Variants in DISC1 observed in about 807,000 individuals in gnomAD.
The protein encoded by DISC1 is disrupted in schizophrenia 1 protein.
A neutral mutation model predicts 84.5 loss-of-function variants in DISC1; 57 were observed. The observed-to-expected ratio is 0.67, with a 90% CI of 0.55 to 0.84. DISC1 has a LOEUF of 0.84. Among genes scored for constraint, DISC1 ranks in the 40% least tolerant of loss-of-function variants. DISC1 has a pLI of 0.00. For synonymous variants in DISC1, 411 were observed against 415.2 expected (o/e 0.99, Z 0.12); for missense variants, 1,000 against 1,057.8 (o/e 0.95, Z 0.76).
intron 9 of DISC1, among the ~76,000 whole-genome samples, chr1:231,861,981 C>G (rs2084695897): frequency 6.6e-6 from 1 of 152,208 alleles, no homozygotes; most frequent in African/African-American, 2.4e-5. Flanking sequence ...CTGGCCATTT[C>G]CATAGTGTAA....
rs141868854 is a variant in DISC1, at chr1:231,867,535, A to T, written c.1981+49018A>T. The stretch of plus-strand genomic sequence containing the variant: ...CCATGGGAGCATCCCCATCAGATAC[A>T]TAGATGCTCTTAATTAATTAGGCTG... On this transcript the variant is annotated intron_variant, in intron 9 of 12. Coordinates refer to ENST00000439617, the MANE Select transcript of DISC1 (RefSeq NM_018662.3). Among the ~76,000 whole-genome samples the T allele has an allele frequency of 4.0e-4, 61 of 152,298 alleles. 2 individuals are homozygous for T. Among genetic ancestry groups the T allele is most frequent in the African/African-American group, 1.4e-3 (58 of 41,568 alleles).
At position 231,863,220 on chromosome 1, in the gene DISC1, C is replaced by CTTTTTTTT. The variant is rs533463099; in HGVS notation, c.1981+44728_1981+44735dup. Among the ~76,000 whole-genome samples, 19 of 54,770 alleles carry CTTTTTTTT rather than the reference C, an allele frequency of 3.5e-4. 1 individual carries two copies. Among genetic ancestry groups the CTTTTTTTT allele is most frequent in the African/African-American group, 5.3e-4 (7 of 13,182 alleles). The allele number at this position is 54,770 out of a possible 152,430, so 35.9% of individuals were successfully genotyped here. A position where few individuals can be genotyped will look rare whatever the true frequency, so the allele number is the denominator to read the frequency against. ...TGATTGACATAGTTTATAAAATGTT[C>CTTTTTTTT]TTTTTTTTTTTTTTTTTTTTTTTTT... is the stretch of plus-strand genomic sequence containing the variant. On this transcript the variant is annotated intron_variant, in intron 9 of 12. Transcript: ENST00000439617.
intron 1 of DISC1, among the ~76,000 whole-genome samples, chr1:231,643,609 G>A (rs942226109): frequency 6.6e-6 from 1 of 152,204 alleles, no homozygotes; most frequent in African/African-American, 2.4e-5. Context: ...TATTATTATT[G>A]AGGAGCTATT....
chr1:231,893,708 A>T (rs1482857777), intron 9 of DISC1, among the ~76,000 whole-genome samples: 1 of 151,972 alleles, frequency 6.6e-6, no homozygotes, highest in Admixed American at 6.6e-5. Flanking sequence ...AGGGCATATA[A>T]AGCCTCTGGG....
intron 9 of DISC1, among the ~76,000 whole-genome samples, chr1:231,830,792 A>G (rs2082166454): frequency 6.6e-6 from 1 of 152,230 alleles, no homozygotes; most frequent in African/African-American, 2.4e-5. Context: ...GAGAAGGGAA[A>G]GTGGTAAAAG....
At chr1:231,681,324 G>T (rs528072938) in intron 1 of DISC1, among the ~76,000 whole-genome samples, 1 of 152,272 alleles carries the variant, frequency 6.6e-6, no homozygotes, top group East Asian at 1.9e-4. Flanking sequence ...AATTGGATCA[G>T]AGAGTTGAGA....
At chr1:231,757,558 C>A (rs1007803879) in intron 4 of DISC1, among the ~76,000 whole-genome samples, 1 of 152,146 alleles carries the variant, frequency 6.6e-6, no homozygotes, top group Non-Finnish European at 1.5e-5. Context: ...CTTTAACTAT[C>A]TTCAGGGGTT....
At chr1:231,707,573 C>T (rs2067244004) in intron 3 of DISC1, among the ~76,000 whole-genome samples, 2 of 152,188 alleles carry the variant, frequency 1.3e-5, no homozygotes, top group Admixed American at 1.3e-4. Flanking sequence ...GACCTGCAAA[C>T]ACAAATGGGA....
chr1:231,696,216 C>G (rs2065681748), intron 2 of DISC1, among the ~76,000 whole-genome samples: 1 of 152,238 alleles, frequency 6.6e-6, no homozygotes, highest in Admixed American at 6.5e-5. Context: ...GGCCGCTGCC[C>G]TGGCTCAGAT....
intron 1 of DISC1, among the ~76,000 whole-genome samples, chr1:231,669,785 A>T (rs2062404727): frequency 6.6e-6 from 1 of 152,138 alleles, no homozygotes. Flanking sequence ...AGTGTAAATT[A>T]GTTCAGCCAT....
At chr1:231,712,339 A>G (rs950239711) in intron 3 of DISC1, among the ~76,000 whole-genome samples, 1 of 152,238 alleles carries the variant, frequency 6.6e-6, no homozygotes, top group African/African-American at 2.4e-5. Context: ...CGGCATAACC[A>G]CCAAAAAACT....
intron 9 of DISC1, among the ~76,000 whole-genome samples, chr1:231,829,301 G>A (rs900315146): frequency 6.6e-6 from 1 of 152,040 alleles, no homozygotes; most frequent in African/African-American, 2.4e-5. Context: ...ATAACAGAGT[G>A]GTATTTAATT....
intron 8 of DISC1, among the ~76,000 whole-genome samples, chr1:231,809,359 T>G (rs2080049259): frequency 1.3e-5 from 2 of 152,074 alleles, no homozygotes; most frequent in African/African-American, 4.8e-5. Context: ...ATCTGCCTGG[T>G]TCTTAGATTG....
Position 231,694,347 on chromosome 1 carries a change from C to G in DISC1, c.589C>G (p.Pro197Ala), listed in dbSNP as rs141270877. The part of the protein sequence containing the change: ...CSPGCGPEVP[P>A]TPPGSHSAFT... The stretch of plus-strand genomic sequence containing the variant: ...CCCTGGCTGTGGCCCTGAGGTCCCC[C>G]CAACCCCTCCTGGCTCTCACAGTGC... The change falls in exon 2 of 13, where the codon CCA becomes GCA. Residue 197 changes from proline (P) to alanine (A), a missense_variant. By Grantham distance (27) the Pro-to-Ala change is conservative. This residue lies in a region of DISC1 where 292 missense variants were observed against 280.2 expected (regional missense o/e 1.04). Transcript: ENST00000439617. The G allele has an allele frequency of 4.8e-5, 77 of 1,614,130 alleles. No individual in the cohort carries two copies. The African/African-American group carries it at 8.8e-4, about 18-fold the overall frequency.
At chr1:231,836,683 T>C (rs16855194) in intron 9 of DISC1, among the ~76,000 whole-genome samples, 2,421 of 152,292 alleles carry the variant, frequency 0.016, 72 homozygotes, top group African/African-American at 0.055. Context: ...TCTCCACCTT[T>C]GGACTATCCC....
intron 3 of DISC1, among the ~76,000 whole-genome samples, chr1:231,721,839 A>G (rs1045752846): frequency 2.0e-5 from 3 of 152,164 alleles, no homozygotes; most frequent in Non-Finnish European, 4.4e-5. Context: ...AAAAATCAAG[A>G]AGTAAACAAA....
chr1:231,741,694 A>G (rs1016917759), intron 3 of DISC1, among the ~76,000 whole-genome samples: 6 of 152,114 alleles, frequency 3.9e-5, no homozygotes, highest in African/African-American at 1.4e-4. Flanking sequence ...GATCTGATGG[A>G]TGAGGTAGAC....
chr1:231,866,517 C>T lies in DISC1; in HGVS notation c.1981+48000C>T, dbSNP rs201121957. On this transcript the variant is annotated intron_variant, in intron 9 of 12. Transcript: ENST00000439617. Reference sequence around the variant, plus strand: ...CCTTAATATTTAATGTTCACTACTACCTTAGGATATAAGTACTGTGATGCA... The same window carrying T: ...CCTTAATATTTAATGTTCACTACTATCTTAGGATATAAGTACTGTGATGCA... The T allele has an allele frequency of 2.3e-4, 183 of 808,378 alleles. 2 individuals are homozygous for T. The African/African-American group carries it at 2.8e-3, about 13-fold the overall frequency. 50.1% of individuals were successfully genotyped at this position (808,378 alleles called of 1,614,324 possible).
At chr1:231,711,357 C>CTTTTTTTTT (rs57262026) in intron 3 of DISC1, among the ~76,000 whole-genome samples, 2 of 111,306 alleles carry the variant, frequency 1.8e-5, no homozygotes, top group Non-Finnish European at 3.8e-5. Flanking sequence ...GGACATATTT[C>CTTTTTTTTT]TTTTTTTTTT....
Sources: allele counts gnomAD v4.1 joint callset (sites outside exome capture counted in the v4.1 genomes callset), GRCh38; gene constraint gnomAD v4.1.1; regional missense constraint gnomAD v4.1.1; transcripts MANE v1.5; gene names NCBI Gene and HGNC (gene_info 2026-07-23, HGNC 2026-07-21).